Variants in PITPNA observed in about 807,000 individuals in gnomAD.
The protein encoded by PITPNA is phosphatidylinositol transfer protein alpha.
PITPNA carries 13 observed loss-of-function variants against 50.3 expected under a neutral mutation model. That is an observed-to-expected ratio of 0.26 (90% confidence interval 0.17 to 0.41). PITPNA has a LOEUF of 0.41. PITPNA is among the 10% of genes least tolerant of loss of function. PITPNA has a pLI of 1.00. For synonymous variants in PITPNA, 120 were observed against 119.6 expected, an observed-to-expected ratio of 1.00 and a Z score of -0.02; for missense variants, 207 against 333.4, an observed-to-expected ratio of 0.62 and a Z score of 2.95.
chr17:1,555,115 G>T (rs2075728734), intron 2 of PITPNA, among the ~76,000 whole-genome samples: 1 of 152,206 alleles, frequency 6.6e-6, no homozygotes, highest in Non-Finnish European at 1.5e-5. Flanking sequence ...GACAGGCTGG[G>T]GAGAGGGCCT....
chr17:1,555,121 G>A (rs2075728766), intron 2 of PITPNA, among the ~76,000 whole-genome samples: 2 of 152,184 alleles, frequency 1.3e-5, no homozygotes, highest in African/African-American at 4.8e-5. Flanking sequence ...CTGGGGAGAG[G>A]GCCTGGTGGA....
chr17:1,545,733 C>G (rs2075670381), intron 4 of PITPNA, among the ~76,000 whole-genome samples: 1 of 152,108 alleles, frequency 6.6e-6, no homozygotes, highest in Non-Finnish European at 1.5e-5. Flanking sequence ...AGCCGCAACA[C>G]TCTTCCCAGA....
intron 3 of PITPNA, 115 bp from the exon 4 acceptor site, chr17:1,548,502 G>A: frequency 2.9e-6 from 2 of 699,932 alleles, no homozygotes; most frequent in Non-Finnish European, 4.7e-6. Context: ...CATGCAATGA[G>A]CAGGTTACTG....
At chr17:1,523,650 G>A (rs2075528282) in intron 10 of PITPNA, among the ~76,000 whole-genome samples, 1 of 151,622 alleles carries the variant, frequency 6.6e-6, no homozygotes. Flanking sequence ...TGGGACTATA[G>A]GCACACGCCA....
intron 7 of PITPNA, among the ~76,000 whole-genome samples, chr17:1,537,497 C>G (rs530731086): frequency 6.6e-6 from 1 of 152,342 alleles, no homozygotes; most frequent in South Asian, 2.1e-4. Flanking sequence ...ATGTGCCCAG[C>G]CTCTGAGGAG....
At chr17:1,543,083 A>G in intron 4 of PITPNA, 56 bp from the exon 5 acceptor site, 4 of 1,407,232 alleles carry the variant, frequency 2.8e-6, no homozygotes, top group Non-Finnish European at 3.9e-6. Context: ...GAAGATGAAG[A>G]AATATCTGCC....
At chr17:1,555,068 G>A (rs962367271) in intron 2 of PITPNA, among the ~76,000 whole-genome samples, 1 of 152,184 alleles carries the variant, frequency 6.6e-6, no homozygotes, top group African/African-American at 2.4e-5. Flanking sequence ...GAGAAGAGCC[G>A]TAAGAACATC....
chr17:1,558,769 A>ACC (rs147366133), intron 1 of PITPNA, among the ~76,000 whole-genome samples: 12 of 22,704 alleles, frequency 5.3e-4, no homozygotes, highest in South Asian at 3.1e-3. Flanking sequence ...CTGTGACAAC[A>ACC]CCCCCCCCCC....
chr17:1,548,207 T>C (rs2075688389), intron 4 of PITPNA, 89 bp downstream of exon 4: 1 of 830,004 alleles, frequency 1.2e-6, no homozygotes, highest in African/African-American at 1.7e-5. Context: ...AGCCCGAGCC[T>C]TTCCCTGGCC....
intron 4 of PITPNA, among the ~76,000 whole-genome samples, chr17:1,547,453 C>T (rs1195165775): frequency 6.6e-6 from 1 of 152,070 alleles, no homozygotes; most frequent in Non-Finnish European, 1.5e-5. Context: ...AGTTCGAGAC[C>T]AGCCTGGCCA....
intron 10 of PITPNA, among the ~76,000 whole-genome samples, chr17:1,527,960 T>A (rs1424324749): frequency 1.3e-5 from 2 of 152,214 alleles, no homozygotes; most frequent in African/African-American, 4.8e-5. Flanking sequence ...GGTGGAAGGA[T>A]CACTTGTGGC....
Position 1,548,365 on chromosome 17 carries a change from T to A in PITPNA, c.220A>T (p.Met74Leu), listed in dbSNP as rs2075689719. 1.2e-6 allele frequency: 2 copies of A among 1,607,800 alleles called. No homozygotes were observed. The highest frequency in any genetic ancestry group is 1.7e-6 in the Non-Finnish European group (2 of 1,177,312). ...TTCAGGGCTCCCTCTGGGGCCAGCA[T>A]TCGAACAAACGTGGGTACTTTGCTA... ...LQSKVPTFVR[M>L]LAPEGALNIH... Residue 74 changes from methionine (M) to leucine (L), a missense_variant, in exon 4 of 12, where the codon ATG (methionine) becomes TTG (leucine). Met to Leu is a conservative substitution (Grantham distance 15). Transcript: ENST00000313486.
intron 8 of PITPNA, 31 bp from the exon 9 acceptor site, chr17:1,535,323 A>T: frequency 1.3e-6 from 2 of 1,549,220 alleles, no homozygotes; most frequent in Non-Finnish European, 1.8e-6. Flanking sequence ...TGGGTACGCA[A>T]GTAACAACGG....
chr17:1,544,353 G>C (rs1360942493), intron 4 of PITPNA, among the ~76,000 whole-genome samples: 4 of 152,134 alleles, frequency 2.6e-5, no homozygotes, highest in African/African-American at 4.8e-5. Context: ...CTGGCGCTGG[G>C]GTTTTTACAC....
chr17:1,528,738 TAA>T (rs58531367), intron 10 of PITPNA, among the ~76,000 whole-genome samples: 18 of 139,620 alleles, frequency 1.3e-4, no homozygotes, highest in Non-Finnish European at 1.1e-4. Flanking sequence ...CTGTCTCTCT[TAA>T]AAAAAAAAAA....
chr17:1,541,440 C>G, intron 6 of PITPNA, 126 bp downstream of exon 6: 1 of 718,832 alleles, frequency 1.4e-6, no homozygotes, highest in Non-Finnish European at 2.5e-6. Flanking sequence ...TAGGTCTAGG[C>G]AGAGGCCACT....
chr17:1,523,399 G>A (rs2075526580), intron 10 of PITPNA, among the ~76,000 whole-genome samples: 1 of 152,106 alleles, frequency 6.6e-6, no homozygotes, highest in Non-Finnish European at 1.5e-5. Flanking sequence ...ATGGAGTGCA[G>A]TGGCGCAATC....
At chr17:1,541,857 C>A (rs1162184006) in intron 5 of PITPNA, 2 of 652,160 alleles carry the variant, frequency 3.1e-6, no homozygotes, top group Non-Finnish European at 5.8e-6. Context: ...TGTAGAATCA[C>A]CCTCATTTTA....
rs562592038 is a variant in PITPNA at position 1,557,646 on chromosome 17, T to A, written c.51+883A>T. ...CCAAGAGACTGACTCTGAGTCAGCA[T>A]GGCCTATGAACCTTCTTACAGCAAA... On this transcript the variant is annotated intron_variant, in intron 2 of 11. Transcript: ENST00000313486. 1.8e-4 allele frequency among the ~76,000 whole-genome samples: 27 copies of A among 152,310 alleles called. No homozygotes were observed. In the South Asian group the frequency reaches 4.1e-3, roughly 23 times the overall value.
Sources: gnomAD v4.1 joint callset for allele counts (sites outside exome capture counted in the v4.1 genomes callset) on GRCh38, gnomAD v4.1.1 for gene constraint, MANE v1.5 for transcripts, NCBI Gene and HGNC (gene_info 2026-07-23, HGNC 2026-07-21) for gene names.